The following TEX29 variants were observed in gnomAD, a reference collection of about 807,000 sequenced individuals.
TEX29 encodes testis expressed 29, also known as testis-expressed protein 29.
In TEX29, 26 loss-of-function variants were observed where a neutral mutation model predicts 18.2. The ratio of observed to expected loss-of-function variants is 1.43; its 90% CI spans 1.04 to 1.98. The LOEUF (loss-of-function observed/expected upper bound fraction) is 1.98, where lower values mean the gene tolerates loss of function less well. TEX29 is among the 30% of genes most tolerant of loss of function. TEX29 has a pLI of 0.00. For missense variants in TEX29, 177 were observed against 194.2 expected (o/e 0.91, Z 0.53); for synonymous variants, 83 against 78.5 (o/e 1.06, Z -0.31).
chr13:111,342,899 C>T lies in TEX29; in HGVS notation c.383C>T (p.Pro128Leu). ...AGTCCTGGGCCTCCAAGTGCTGGGCCCTCGATGAAGAGTGACGAGGATAAG... is the reference window on the plus strand; with the variant it reads ...AGTCCTGGGCCTCCAAGTGCTGGGCTCTCGATGAAGAGTGACGAGGATAAG... ...PASPGPPSAG[P>L]SMKSDEDKDD... is the part of the protein sequence containing the mutation. Residue 128 changes from proline to leucine, a missense_variant, in exon 5 of 6, where the codon CCC becomes CTC. Transcript: ENST00000283547. 5.0e-6 allele frequency: 8 copies of T among 1,614,098 alleles called. No homozygotes were observed. Among genetic ancestry groups the T allele is most frequent in the Non-Finnish European group, 6.8e-6 (8 of 1,180,030 alleles).
intron 3 of TEX29, among the ~76,000 whole-genome samples, chr13:111,329,946 A>G (rs1038883793): frequency 6.6e-6 from 1 of 152,180 alleles, no homozygotes; most frequent in African/African-American, 2.4e-5. Flanking sequence ...AAGTAAGCCC[A>G]TAATTAAATA....
chr13:111,330,160 C>T (rs771416513), intron 3 of TEX29, among the ~76,000 whole-genome samples: 2 of 152,160 alleles, frequency 1.3e-5, no homozygotes, highest in Non-Finnish European at 2.9e-5. Flanking sequence ...CATTTTCAGG[C>T]TACACTGTTT....
chr13:111,324,127 T>A (rs2093669062), intron 2 of TEX29, among the ~76,000 whole-genome samples: 1 of 152,172 alleles, frequency 6.6e-6, no homozygotes, highest in Non-Finnish European at 1.5e-5. Context: ...GTGGCAATCG[T>A]GACCGCAGGC....
At chr13:111,330,022 T>A (rs1460032523) in intron 3 of TEX29, among the ~76,000 whole-genome samples, 1 of 151,386 alleles carries the variant, frequency 6.6e-6, no homozygotes, top group Non-Finnish European at 1.5e-5. Flanking sequence ...GAGACCATGG[T>A]GTTGCAAAGA....
intron 3 of TEX29, among the ~76,000 whole-genome samples, chr13:111,335,874 C>T (rs1022913012): frequency 7.2e-5 from 11 of 152,332 alleles, no homozygotes; most frequent in East Asian, 1.9e-4. Flanking sequence ...CTGCTACTGC[C>T]GCTGCTTTTG....
chr13:111,321,744 G>A (rs779606353), intron 2 of TEX29, among the ~76,000 whole-genome samples: 13 of 152,106 alleles, frequency 8.5e-5, no homozygotes, highest in South Asian at 2.1e-4. Flanking sequence ...CCAACATGGC[G>A]AAACCCCATC....
intron 3 of TEX29, among the ~76,000 whole-genome samples, chr13:111,337,217 A>G (rs2093690790): frequency 6.6e-6 from 1 of 152,180 alleles, no homozygotes; most frequent in South Asian, 2.1e-4. Flanking sequence ...TGTGTGACAA[A>G]TTACCCCAAA....
intron 4 of TEX29, among the ~76,000 whole-genome samples, chr13:111,341,796 G>T (rs929023753): frequency 3.3e-5 from 5 of 152,270 alleles, no homozygotes; most frequent in African/African-American, 1.2e-4. Flanking sequence ...GAGCACCTAA[G>T]ACTCTTAAGA....
intron 3 of TEX29, among the ~76,000 whole-genome samples, chr13:111,337,216 A>G (rs1047918311): frequency 9.9e-5 from 15 of 152,260 alleles, no homozygotes; most frequent in African/African-American, 2.9e-4. Flanking sequence ...CTGTGTGACA[A>G]ATTACCCCAA....
At chr13:111,319,339 T>C (rs549623882), upstream of TEX29, among the ~76,000 whole-genome samples, 1 of 152,146 alleles carries the variant, frequency 6.6e-6, no homozygotes, top group Non-Finnish European at 1.5e-5. Flanking sequence ...CACAGACGAA[T>C]GACTAAGCGA....
At chr13:111,322,966 A>G (rs11839172) in intron 2 of TEX29, among the ~76,000 whole-genome samples, 18,706 of 152,064 alleles carry the variant, frequency 0.12, 1,362 homozygotes, top group African/African-American at 0.21. Context: ...CCTCTCTGCC[A>G]CCCACCCCTG....
intron 5 of TEX29, 117 bp downstream of exon 5, chr13:111,343,048 C>T: frequency 8.2e-7 from 1 of 1,223,914 alleles, no homozygotes; most frequent in Non-Finnish European, 1.1e-6. Flanking sequence ...CCTCAGTGAT[C>T]AGTGTTGCAG....
At position 111,333,185 on chromosome 13, in the gene TEX29, G is replaced by A. The variant is rs571231502; in HGVS notation, c.169+4892G>A. On this transcript the variant is annotated intron_variant, in intron 3 of 5. Transcript: ENST00000283547. ...CTCTTTGTCTTTTGCAGTTTGCCAG[G>A]TGTCTGGGTGTGGATCTCTCTGAGT... Among the ~76,000 whole-genome samples the A allele has an allele frequency of 1.1e-4, 16 of 152,296 alleles. 1 individual carries two copies. The South Asian group carries it at 3.1e-3, about 30-fold the overall frequency.
At chr13:111,338,482 A>G (rs963763981) in intron 3 of TEX29, among the ~76,000 whole-genome samples, 5 of 152,098 alleles carry the variant, frequency 3.3e-5, no homozygotes, top group African/African-American at 1.2e-4. Flanking sequence ...ATCAATTTCT[A>G]TTGTTTTAAG....
In TEX29 at chr13:111,342,760, A is replaced by C; in HGVS notation, c.244A>C (p.Ile82Leu). 3.7e-6 allele frequency: 6 copies of C among 1,613,966 alleles called. No individual in the cohort carries two copies. The highest frequency in any genetic ancestry group is 3.4e-6 in the Non-Finnish European group (4 of 1,179,964). The change falls in exon 5 of 6, where the codon ATT (isoleucine) becomes CTT (leucine). Residue 82 changes from isoleucine (I) to leucine (L), a missense_variant. By Grantham distance (5) the Ile-to-Leu change is conservative. Transcript: ENST00000283547. ...AFVITIIYRV[I>L]QESRKEKAIP... is the part of the protein sequence containing the mutation. ...ATAAAACCCTCTTCCCATCAGAGTC[A>C]TTCAGGAGAGCAGGAAAGAAAAGGC...
At chr13:111,343,096 C>A (rs1055581010) in intron 5 of TEX29, among the ~76,000 whole-genome samples, 165 bp downstream of exon 5, 4 of 152,198 alleles carry the variant, frequency 2.6e-5, no homozygotes, top group African/African-American at 9.6e-5. Context: ...ATTGGAGGTT[C>A]AGGTTTGCAG....
At chr13:111,337,427 T>C (rs966460767) in intron 3 of TEX29, among the ~76,000 whole-genome samples, 1 of 152,128 alleles carries the variant, frequency 6.6e-6, no homozygotes, top group African/African-American at 2.4e-5. Context: ...CCAGATGTTA[T>C]AGGAGGCCTC....
At chr13:111,319,815 A>G (rs930709195), upstream of TEX29, among the ~76,000 whole-genome samples, 3 of 152,168 alleles carry the variant, frequency 2.0e-5, no homozygotes, top group Non-Finnish European at 4.4e-5. Context: ...TCAAACCATG[A>G]AAAGTAGCAG....
rs769190212 is a variant in TEX29 at position 111,320,862 on chromosome 13, C to T, written c.-29C>T. ...TGACCTCTCCTGTTTTCCAGGTGTG[C>T]TCGGCCCCTTCATCTGTCAGCTGCA... On this transcript the variant is annotated 5_prime_UTR_variant, in exon 2 of 6. Transcript: ENST00000283547. 1.2e-6 allele frequency: 2 copies of T among 1,613,460 alleles called. No homozygotes were observed. The highest frequency in any genetic ancestry group is 3.3e-5 in the Admixed American group (2 of 59,990).
Sources: gnomAD v4.1 joint callset for allele counts (sites outside exome capture counted in the v4.1 genomes callset) on GRCh38, gnomAD v4.1.1 for gene constraint, MANE v1.5 for transcripts, NCBI Gene and HGNC (gene_info 2026-07-23, HGNC 2026-07-21) for gene names.